VWC2: variants seen among roughly 807,000 people sequenced by gnomAD.
VWC2 encodes the protein brorin.
VWC2 carries 14 observed loss-of-function variants against 29.8 expected under a neutral mutation model. The observed-to-expected ratio is 0.47, with a 90% CI of 0.31 to 0.74. The LOEUF is 0.74. Ranked by LOEUF, VWC2 falls within the 30% of genes least tolerant of loss-of-function variation. The probability of loss-of-function intolerance (pLI) is 0.05; values close to 1 mark genes in which losing one functional copy is unlikely to be tolerated. For missense variants in VWC2, 457 were observed against 459.8 expected (o/e 0.99, Z 0.05); for synonymous variants, 213 against 199.0 (o/e 1.07, Z -0.59).
intron 2 of VWC2, among the ~76,000 whole-genome samples, chr7:49,796,028 C>A (rs1788583285): frequency 6.6e-6 from 1 of 152,090 alleles, no homozygotes; most frequent in African/African-American, 2.4e-5. Context: ...GGGAAGGGGG[C>A]AGACGATATT....
At chr7:49,795,820 G>A (rs1188472380) in intron 2 of VWC2, among the ~76,000 whole-genome samples, 1 of 152,210 alleles carries the variant, frequency 6.6e-6, no homozygotes, top group African/African-American at 2.4e-5. Context: ...TCATAGATGT[G>A]ACTGAGAGAT....
In VWC2 at chr7:49,914,461, T is replaced by G. The variant is rs1009051395; in HGVS notation, c.*2276T>G. 1 of 152,204 alleles carries G rather than the reference T, an allele frequency of 6.6e-6. No homozygotes were observed. The allele number at this position is 152,204 out of a possible 1,614,324, so 9.4% of individuals were successfully genotyped here. A position where few individuals can be genotyped will look rare whatever the true frequency, so the allele number is the denominator to read the frequency against. ...AGCACACACTCCTAAGAGCTAAAGCTCAATGGCTGTTATTACACCAAAGTA... is the reference window on the plus strand; with the variant it reads ...AGCACACACTCCTAAGAGCTAAAGCGCAATGGCTGTTATTACACCAAAGTA... On this transcript the variant is annotated 3_prime_UTR_variant, in exon 4 of 4. Coordinates refer to ENST00000340652, the MANE Select transcript of VWC2 (RefSeq NM_198570.5).
chr7:49,849,269 G>GGA (rs965324063), intron 3 of VWC2, among the ~76,000 whole-genome samples: 3 of 152,154 alleles, frequency 2.0e-5, no homozygotes, highest in African/African-American at 7.2e-5. Context: ...ATTTCCCCGA[G>GGA]GAGAGAGAGA....
At chr7:49,821,235 A>G (rs2128709484) in intron 3 of VWC2, among the ~76,000 whole-genome samples, 1 of 152,354 alleles carries the variant, frequency 6.6e-6, no homozygotes, top group African/African-American at 2.4e-5. Context: ...TTGCCCAGTC[A>G]TTGTTGGAGG....
intron 3 of VWC2, among the ~76,000 whole-genome samples, chr7:49,857,485 T>C (rs1790474085): frequency 6.6e-6 from 1 of 152,190 alleles, no homozygotes; most frequent in Non-Finnish European, 1.5e-5. Flanking sequence ...AGTGCTGCAA[T>C]TAACATGGGA....
rs966225922 is a variant in VWC2 at position 49,792,046 on chromosome 7, G to A, written c.697-10665G>A. On this transcript the variant is annotated intron_variant, in intron 2 of 3. Coordinates refer to ENST00000340652, the MANE Select transcript of VWC2 (RefSeq NM_198570.5). Reference sequence around the variant, plus strand: ...ACTGGTGAGAAAGAAATATACAGGCGTTACTTCAAAATACTGTCCTTCTCT... The same window carrying A: ...ACTGGTGAGAAAGAAATATACAGGCATTACTTCAAAATACTGTCCTTCTCT... Among the ~76,000 whole-genome samples the A allele has an allele frequency of 2.1e-4, 32 of 152,280 alleles. 1 individual carries two copies. The highest frequency in any genetic ancestry group is 7.5e-4 in the African/African-American group (31 of 41,560).
intron 3 of VWC2, among the ~76,000 whole-genome samples, chr7:49,871,989 AAGAATAAGGGG>A (rs1791179513): frequency 6.7e-6 from 1 of 149,544 alleles, no homozygotes; most frequent in African/African-American, 2.5e-5. Context: ...GGAGGGTAGG[AAGAATAAGGGG>A]AGACAAGAAA....
chr7:49,893,258 T>C lies in VWC2; in HGVS notation c.827-18776T>C, dbSNP rs575227524. ...GGAGTTATGCACTAGGTTCCACGAA[T>C]CTAGAATACGGCATGTTCCCAGAGG... On this transcript the variant is annotated intron_variant, in intron 3 of 3. Transcript: ENST00000340652. Among the ~76,000 whole-genome samples the C allele has an allele frequency of 1.9e-3, 287 of 152,250 alleles. 3 individuals carry two copies. Among genetic ancestry groups the C allele is most frequent in the Admixed American group, 4.1e-3 (63 of 15,278 alleles).
chr7:49,896,228 C>G (rs931301577), intron 3 of VWC2, among the ~76,000 whole-genome samples: 4 of 152,112 alleles, frequency 2.6e-5, no homozygotes, highest in Non-Finnish European at 5.9e-5. Context: ...GTAGTCCCAG[C>G]TACTCAGGAG....
At chr7:49,834,110 G>T (rs1273557795) in intron 3 of VWC2, among the ~76,000 whole-genome samples, 1 of 152,124 alleles carries the variant, frequency 6.6e-6, no homozygotes, top group Non-Finnish European at 1.5e-5. Flanking sequence ...TGGTTTCTAG[G>T]CTGATGGGTA....
intron 3 of VWC2, among the ~76,000 whole-genome samples, chr7:49,837,114 A>G (rs1162628893): frequency 6.6e-6 from 1 of 152,234 alleles, no homozygotes; most frequent in Non-Finnish European, 1.5e-5. Flanking sequence ...ACCTTAACCA[A>G]AATGACCCAG....
intron 3 of VWC2, among the ~76,000 whole-genome samples, chr7:49,911,115 A>G (rs1430535952): frequency 6.6e-6 from 1 of 152,158 alleles, no homozygotes; most frequent in East Asian, 1.9e-4. Context: ...ATTTAGAATT[A>G]ATTAAACGAA....
At position 49,815,673 on chromosome 7, in the gene VWC2, T is replaced by G. The variant is rs143159821; in HGVS notation, c.826+12833T>G. On this transcript the variant is annotated intron_variant, in intron 3 of 3. Coordinates refer to ENST00000340652, the MANE Select transcript of VWC2 (RefSeq NM_198570.5). ...AGACCCTTGATGTGAAAACCAATGATCAGACTGCCCTGTAATACAATGGAG... is the reference window on the plus strand; with the variant it reads ...AGACCCTTGATGTGAAAACCAATGAGCAGACTGCCCTGTAATACAATGGAG... Among the ~76,000 whole-genome samples the G allele has an allele frequency of 7.2e-5, 11 of 152,330 alleles. No individual in the cohort carries two copies. The East Asian group carries it at 1.7e-3, about 24-fold the overall frequency.
chr7:49,880,182 A>G (rs1168842746), intron 3 of VWC2, among the ~76,000 whole-genome samples: 1 of 152,166 alleles, frequency 6.6e-6, no homozygotes, highest in African/African-American at 2.4e-5. Context: ...GCTAAATTTT[A>G]TCAGTGTCTT....
rs372917767 is a variant in VWC2 at position 49,887,747 on chromosome 7, A to G, written c.827-24287A>G. On this transcript the variant is annotated intron_variant, in intron 3 of 3. Coordinates refer to ENST00000340652, the MANE Select transcript of VWC2 (RefSeq NM_198570.5). ...CTCCATTTGTTGAATTAGGAAGTCT[A>G]TACAACACCACACCAACCCATGGCA... Among the ~76,000 whole-genome samples the G allele has an allele frequency of 1.4e-4, 22 of 152,308 alleles. No individual in the cohort carries two copies. In the East Asian group the frequency reaches 2.5e-3, roughly 17 times the overall value.
intron 3 of VWC2, among the ~76,000 whole-genome samples, chr7:49,833,061 T>G (rs1262150233): frequency 6.6e-6 from 1 of 152,180 alleles, no homozygotes; most frequent in African/African-American, 2.4e-5. Context: ...GATCAAAGGA[T>G]ACTATGAAGG....
intron 3 of VWC2, among the ~76,000 whole-genome samples, chr7:49,853,778 A>T (rs188073081): frequency 5.6e-4 from 85 of 152,088 alleles, no homozygotes; most frequent in African/African-American, 1.9e-3. Flanking sequence ...GGTTTGTTAC[A>T]TATGTATACG....
chr7:49,916,289 C>T lies in VWC2; in HGVS notation c.*4104C>T, dbSNP rs1321306884. ...ATTAGATCATGGACAACACCATGAC[C>T]CAGGCCCCTGTGGCTGGTGAGACTT... On this transcript the variant is annotated 3_prime_UTR_variant, in exon 4 of 4. Coordinates refer to ENST00000340652, the MANE Select transcript of VWC2 (RefSeq NM_198570.5). 6.6e-6 allele frequency: 1 copy of T among 152,140 alleles called. No homozygotes were observed. The highest frequency in any genetic ancestry group is 6.5e-5 in the Admixed American group (1 of 15,272). The allele number at this position is 152,140 out of a possible 1,614,324, so 9.4% of individuals were successfully genotyped here.
At chr7:49,835,883 A>AT (rs1300408758) in intron 3 of VWC2, among the ~76,000 whole-genome samples, 12 of 152,118 alleles carry the variant, frequency 7.9e-5, no homozygotes, top group South Asian at 4.1e-4. Flanking sequence ...TATAATGACC[A>AT]TTTTTTTAAT....
Sources: gnomAD v4.1 joint callset for allele counts (sites outside exome capture counted in the v4.1 genomes callset) on GRCh38, gnomAD v4.1.1 for gene constraint, MANE v1.5 for transcripts, NCBI Gene and HGNC (gene_info 2026-07-23, HGNC 2026-07-21) for gene names.